Variants in ARHGAP10 observed in about 807,000 individuals in gnomAD.
ARHGAP10 encodes Rho GTPase activating protein 10.
ARHGAP10 carries 87 observed loss-of-function variants against 108.6 expected under a neutral mutation model. The observed-to-expected ratio is 0.80, with a 90% CI of 0.67 to 0.96. The LOEUF is 0.96. ARHGAP10 is among the 40% of genes least tolerant of loss of function. ARHGAP10 has a pLI of 0.00. For synonymous variants in ARHGAP10, 347 were observed against 341.1 expected (o/e 1.02, Z -0.19); for missense variants, 939 against 954.5 (o/e 0.98, Z 0.21).
At chr4:148,066,086 A>G (rs1307580686) in intron 22 of ARHGAP10, among the ~76,000 whole-genome samples, 3 of 152,144 alleles carry the variant, frequency 2.0e-5, no homozygotes, top group Non-Finnish European at 4.4e-5. Flanking sequence ...ATCAAAGACC[A>G]AAGTATTTCC....
intron 18 of ARHGAP10, among the ~76,000 whole-genome samples, chr4:147,983,564 A>T (rs1431566688): frequency 6.6e-6 from 1 of 151,530 alleles, no homozygotes; most frequent in African/African-American, 2.4e-5. Context: ...TGAGTTCTGA[A>T]ATTCTTTCTT....
At chr4:147,912,191 A>C (rs1401431142) in intron 12 of ARHGAP10, among the ~76,000 whole-genome samples, 1 of 152,076 alleles carries the variant, frequency 6.6e-6, no homozygotes, top group Non-Finnish European at 1.5e-5. Context: ...TTACATTACA[A>C]ATATGTATAC....
intron 19 of ARHGAP10, among the ~76,000 whole-genome samples, chr4:148,027,670 G>A (rs1727936205): frequency 6.6e-6 from 1 of 152,144 alleles, no homozygotes; most frequent in Non-Finnish European, 1.5e-5. Context: ...TTCAGCCTGA[G>A]TAATATCAAA....
intron 19 of ARHGAP10, among the ~76,000 whole-genome samples, chr4:148,045,972 A>C (rs1728864392): frequency 6.6e-6 from 1 of 152,210 alleles, no homozygotes; most frequent in Non-Finnish European, 1.5e-5. Context: ...AGGCCAAGTC[A>C]GTGCCATCTT....
intron 7 of ARHGAP10, among the ~76,000 whole-genome samples, chr4:147,871,615 T>G (rs1055218781): frequency 2.0e-5 from 3 of 152,192 alleles, no homozygotes; most frequent in Non-Finnish European, 4.4e-5. Context: ...ACCGTATAGA[T>G]TATTGTGAGG....
chr4:147,850,578 C>G (rs1733837460), intron 4 of ARHGAP10, among the ~76,000 whole-genome samples: 1 of 152,180 alleles, frequency 6.6e-6, no homozygotes, highest in African/African-American at 2.4e-5. Flanking sequence ...TCAGCAAGAC[C>G]ACGAACCCAC....
At chr4:147,925,524 C>G (rs67913037) in intron 13 of ARHGAP10, among the ~76,000 whole-genome samples, 20,027 of 152,144 alleles carry the variant, frequency 0.13, 2,856 homozygotes, top group African/African-American at 0.34. Context: ...TCCTTTCCAG[C>G]TTACTTTAAT....
chr4:147,873,856 CAG>C (rs1300491414), intron 7 of ARHGAP10, among the ~76,000 whole-genome samples: 1 of 142,624 alleles, frequency 7.0e-6, no homozygotes, highest in African/African-American at 2.7e-5. Context: ...GCCTGGGAGA[CAG>C]AGTGAGACCC....
intron 1 of ARHGAP10, among the ~76,000 whole-genome samples, chr4:147,788,287 A>AC (rs1730976726): frequency 6.6e-6 from 1 of 152,142 alleles, no homozygotes; most frequent in Non-Finnish European, 1.5e-5. Flanking sequence ...TCTATTAAAA[A>AC]TAAAAAAAAA....
chr4:147,920,451 C>T (rs1737192838), intron 13 of ARHGAP10, among the ~76,000 whole-genome samples: 1 of 151,864 alleles, frequency 6.6e-6, no homozygotes, highest in Non-Finnish European at 1.5e-5. Flanking sequence ...CAACCTAAAT[C>T]CAAACAAATC....
intron 18 of ARHGAP10, among the ~76,000 whole-genome samples, chr4:147,992,802 C>A (rs1410845851): frequency 6.6e-6 from 1 of 152,216 alleles, no homozygotes; most frequent in African/African-American, 2.4e-5. Flanking sequence ...ATCTTCAATT[C>A]ATTTAAGATG....
intron 20 of ARHGAP10, among the ~76,000 whole-genome samples, chr4:148,061,109 A>G (rs1178560360): frequency 6.6e-6 from 1 of 150,848 alleles, no homozygotes; most frequent in South Asian, 2.1e-4. Context: ...TTTTTTTTTT[A>G]AAGAAAGATG....
At chr4:147,987,554 G>A (rs1279182285) in intron 18 of ARHGAP10, among the ~76,000 whole-genome samples, 1 of 152,224 alleles carries the variant, frequency 6.6e-6, no homozygotes, top group Non-Finnish European at 1.5e-5. Context: ...TGCTGTGTTA[G>A]TGAGGCTTGG....
intron 12 of ARHGAP10, among the ~76,000 whole-genome samples, chr4:147,912,029 G>T (rs1034689383): frequency 9.1e-6 from 1 of 109,542 alleles, no homozygotes; most frequent in African/African-American, 2.7e-5. Flanking sequence ...GTGTGTGTGT[G>T]TGTGTGTGTG....
At chr4:148,051,385 T>C (rs1729127470) in intron 20 of ARHGAP10, among the ~76,000 whole-genome samples, 1 of 152,278 alleles carries the variant, frequency 6.6e-6, no homozygotes, top group African/African-American at 2.4e-5. Context: ...ACAGGTTTTC[T>C]TCTATTGTAA....
At chr4:148,069,735 G>T (rs891667361) in intron 22 of ARHGAP10, among the ~76,000 whole-genome samples, 1 of 152,166 alleles carries the variant, frequency 6.6e-6, no homozygotes. Context: ...GCAAGGCCCA[G>T]GGGTTAATTT....
chr4:147,865,813 A>G (rs1734533365), intron 6 of ARHGAP10: 1 of 152,146 alleles, frequency 6.6e-6, no homozygotes, highest in Non-Finnish European at 1.5e-5. Flanking sequence ...TTAGAGAAAA[A>G]CTCAACCTCC....
chr4:147,986,321 A>T (rs1274461462), intron 18 of ARHGAP10, among the ~76,000 whole-genome samples: 2 of 152,158 alleles, frequency 1.3e-5, no homozygotes, highest in African/African-American at 4.8e-5. Context: ...GAGGTTATAG[A>T]ACTAAAAATG....
At chr4:147,833,412 G>T (rs980928294) in intron 3 of ARHGAP10, among the ~76,000 whole-genome samples, 5 of 152,156 alleles carry the variant, frequency 3.3e-5, no homozygotes, top group African/African-American at 7.2e-5. Context: ...TGCCAAGATT[G>T]TAAGTTTCCT....
Sources: gnomAD v4.1 joint callset for allele counts (sites outside exome capture counted in the v4.1 genomes callset) on GRCh38, gnomAD v4.1.1 for gene constraint, MANE v1.5 for transcripts, NCBI Gene and HGNC (gene_info 2026-07-23, HGNC 2026-07-21) for gene names.